RYR2: variants seen among roughly 807,000 people sequenced by gnomAD.
RYR2 encodes cardiac muscle ryanodine receptor-calcium release channel.
Under a neutral mutation model 601.1 loss-of-function variants are expected in RYR2, and 227 were observed. The ratio of observed to expected loss-of-function variants is 0.38; its 90% CI spans 0.34 to 0.42. The LOEUF (loss-of-function observed/expected upper bound fraction) is 0.42, where lower values mean the gene tolerates loss of function less well. Ranked by LOEUF, RYR2 falls within the 10% of genes least tolerant of loss-of-function variation. The pLI is 1.00. For synonymous variants in RYR2, 2,223 were observed against 2,175.1 expected (o/e 1.02, Z -0.61); for missense variants, 4,646 against 6,156.5 (o/e 0.75, Z 8.21).
chr1:237,622,322 A>G (rs1679161897), intron 38 of RYR2, among the ~76,000 whole-genome samples: 1 of 152,234 alleles, frequency 6.6e-6, no homozygotes, highest in Non-Finnish European at 1.5e-5. Context: ...GCCGAATATG[A>G]AAATTCAAAA....
intron 30 of RYR2, 120 bp downstream of exon 30, chr1:237,590,121 TTA>T (rs1288241482): frequency 1.2e-5 from 11 of 900,172 alleles, no homozygotes; most frequent in Non-Finnish European, 1.8e-5. Flanking sequence ...CCTTGATGTG[TTA>T]TATAGTAGTG....
intron 37 of RYR2, among the ~76,000 whole-genome samples, chr1:237,615,212 A>G (rs1678335365): frequency 6.6e-6 from 1 of 152,148 alleles, no homozygotes. Context: ...CTTTTGAGAC[A>G]GGGTCTCACT....
chr1:237,643,990 A>G (rs957443010), intron 48 of RYR2, among the ~76,000 whole-genome samples: 1 of 152,200 alleles, frequency 6.6e-6, no homozygotes, highest in African/African-American at 2.4e-5. Flanking sequence ...TTTATATGAC[A>G]TTTCAGACAG....
intron 17 of RYR2, among the ~76,000 whole-genome samples, chr1:237,470,443 A>G (rs1660589704): frequency 6.6e-6 from 1 of 152,180 alleles, no homozygotes. Context: ...AGTGGAGGAC[A>G]AAAATGTGTA....
intron 8 of RYR2, among the ~76,000 whole-genome samples, chr1:237,384,047 G>A (rs576434039): frequency 7.2e-4 from 109 of 152,314 alleles, no homozygotes; most frequent in African/African-American, 2.5e-3. Flanking sequence ...CTGACGTGAT[G>A]TAGTTTTTAC....
chr1:237,688,677 C>G (rs1686658774), intron 63 of RYR2, among the ~76,000 whole-genome samples: 1 of 152,120 alleles, frequency 6.6e-6, no homozygotes, highest in Non-Finnish European at 1.5e-5. Context: ...TTTTGTTTAA[C>G]TTCTCTTCAA....
intron 1 of RYR2, among the ~76,000 whole-genome samples, chr1:237,165,729 T>C (rs943967091): frequency 1.3e-5 from 2 of 152,022 alleles, no homozygotes. Flanking sequence ...TAGCCAGGCA[T>C]GGTGAGAAGT....
At chr1:237,803,603 C>G (rs552097679) in intron 98 of RYR2, among the ~76,000 whole-genome samples, 1 of 152,230 alleles carries the variant, frequency 6.6e-6, no homozygotes, top group East Asian at 1.9e-4. Flanking sequence ...CCCAGTCTTG[C>G]ATTTCTTAAT....
At chr1:237,576,276 A>G (rs1673209677) in intron 29 of RYR2, among the ~76,000 whole-genome samples, 1 of 152,200 alleles carries the variant, frequency 6.6e-6, no homozygotes, top group Non-Finnish European at 1.5e-5. Context: ...TAAAATGTAT[A>G]TGGAATTGTA....
intron 11 of RYR2, among the ~76,000 whole-genome samples, chr1:237,417,833 T>A (rs1705164311): frequency 6.6e-6 from 1 of 152,160 alleles, no homozygotes; most frequent in African/African-American, 2.4e-5. Context: ...TTAAAATTTT[T>A]AAAAATAATT....
At chr1:237,165,458 G>A (rs1387534832) in intron 1 of RYR2, among the ~76,000 whole-genome samples, 4 of 152,150 alleles carry the variant, frequency 2.6e-5, no homozygotes, top group Non-Finnish European at 5.9e-5. Flanking sequence ...ACAAATTTTT[G>A]AGACTGTCAA....
intron 79 of RYR2, 80 bp downstream of exon 79, chr1:237,733,836 G>A: frequency 1.0e-6 from 1 of 977,942 alleles, no homozygotes; most frequent in East Asian, 2.5e-5. Context: ...ATAAGAATCT[G>A]TGTATTTCAT....
At chr1:237,496,366 C>A in intron 19 of RYR2, 145 bp from the exon 20 acceptor site, 1 of 1,062,658 alleles carries the variant, frequency 9.4e-7, no homozygotes, top group Non-Finnish European at 1.3e-6. Flanking sequence ...TATGATTGCA[C>A]TACTGCGCTT....
chr1:237,056,003 CAGCACTGCACCTGTGAGGACTGG>C (rs1558153478), intron 1 of RYR2, among the ~76,000 whole-genome samples: 5 of 138,000 alleles, frequency 3.6e-5, no homozygotes, highest in Admixed American at 7.2e-5. Context: ...GTGAGGACTG[CAGCACTGCACCTGTGAGGACTGG>C]AGCACTGCAC....
intron 87 of RYR2, among the ~76,000 whole-genome samples, chr1:237,776,657 C>G (rs1694684257): frequency 6.6e-6 from 1 of 151,998 alleles, no homozygotes; most frequent in African/African-American, 2.4e-5. Context: ...CTCTCTCTCT[C>G]TCTTTCCCTT....
At chr1:237,341,212 G>A (rs1017988654) in intron 3 of RYR2, among the ~76,000 whole-genome samples, 5 of 152,052 alleles carry the variant, frequency 3.3e-5, no homozygotes, top group African/African-American at 1.2e-4. Context: ...GTTTATAATA[G>A]AAAAAATTTT....
At position 237,795,175 on chromosome 1, in the gene RYR2, G is replaced by A. The variant is rs75179449; in HGVS notation, c.13914-114G>A. The stretch of plus-strand genomic sequence containing the variant: ...TTAGCCAAATTCATTGTAAGTTTAC[G>A]TGGCAGGATATATGTTTACATATTA... On this transcript the variant is annotated intron_variant, in intron 95 of 104. Transcript: ENST00000366574. 1,780 of 504,750 alleles carry A rather than the reference G, an allele frequency of 3.5e-3. 27 individuals are homozygous for A. Among genetic ancestry groups the A allele is most frequent in the African/African-American group, 0.033 (1,603 of 48,830 alleles). 31.3% of individuals were successfully genotyped at this position (504,750 alleles called of 1,614,324 possible).
intron 1 of RYR2, among the ~76,000 whole-genome samples, chr1:237,150,081 A>G (rs1572020194): frequency 1.3e-5 from 2 of 152,252 alleles, no homozygotes; most frequent in Non-Finnish European, 2.9e-5. Context: ...TTCTCTGTGC[A>G]TTGTCACTTG....
intron 29 of RYR2, among the ~76,000 whole-genome samples, chr1:237,578,867 A>G (rs2148351779): frequency 6.6e-6 from 1 of 152,262 alleles, no homozygotes; most frequent in East Asian, 1.9e-4. Context: ...GGAACAGAAG[A>G]GTCCTGCAGT....
Sources: allele counts gnomAD v4.1 joint callset (sites outside exome capture counted in the v4.1 genomes callset), GRCh38; gene constraint gnomAD v4.1.1; transcripts MANE v1.5; gene names NCBI Gene and HGNC (gene_info 2026-07-23, HGNC 2026-07-21).